Variants in LRRTM4 observed in about 807,000 individuals in gnomAD.
LRRTM4 encodes leucine-rich repeat transmembrane neuronal protein 4.
LRRTM4 carries 25 observed loss-of-function variants against 47.6 expected under a neutral mutation model. That is an observed-to-expected ratio of 0.53 (90% CI 0.38 to 0.73). The LOEUF (loss-of-function observed/expected upper bound fraction) is 0.73. Ranked by LOEUF, LRRTM4 falls within the 30% of genes least tolerant of loss-of-function variation. The probability of loss-of-function intolerance (pLI) is 0.00; values close to 1 mark genes in which losing one functional copy is unlikely to be tolerated. For missense variants in LRRTM4, 638 were observed against 713.4 expected (o/e 0.89, Z 1.20); for synonymous variants, 311 against 269.5 (o/e 1.15, Z -1.51).
intron 3 of LRRTM4, among the ~76,000 whole-genome samples, chr2:77,253,198 A>C (rs1675670227): frequency 6.6e-6 from 1 of 152,158 alleles, no homozygotes; most frequent in South Asian, 2.1e-4. Context: ...AAAAAATATA[A>C]ATAAATAAAA....
chr2:77,108,367 T>C (rs1671154159), intron 3 of LRRTM4, among the ~76,000 whole-genome samples: 1 of 151,962 alleles, frequency 6.6e-6, no homozygotes, highest in Non-Finnish European at 1.5e-5. Flanking sequence ...ATAAAGAACA[T>C]TGTATAAGAA....
intron 3 of LRRTM4, among the ~76,000 whole-genome samples, chr2:77,124,300 C>A (rs1323748808): frequency 6.6e-6 from 1 of 151,956 alleles, no homozygotes; most frequent in African/African-American, 2.4e-5. Flanking sequence ...TTATACAGAG[C>A]AACAAGAACA....
chr2:77,331,970 C>G (rs1670987016), intron 3 of LRRTM4, among the ~76,000 whole-genome samples: 1 of 151,984 alleles, frequency 6.6e-6, no homozygotes, highest in Non-Finnish European at 1.5e-5. Flanking sequence ...ACTTATAGAA[C>G]AGGAAGTATA....
At chr2:77,222,055 C>G (rs1278114592) in intron 3 of LRRTM4, among the ~76,000 whole-genome samples, 1 of 152,278 alleles carries the variant, frequency 6.6e-6, no homozygotes. Flanking sequence ...AAGAAACTCA[C>G]TCAAAACCGC....
At chr2:76,993,883 A>G (rs1164559320) in intron 3 of LRRTM4, among the ~76,000 whole-genome samples, 1 of 152,016 alleles carries the variant, frequency 6.6e-6, no homozygotes, top group Non-Finnish European at 1.5e-5. Context: ...GATTTGATAA[A>G]GAAAAATTTG....
intron 3 of LRRTM4, among the ~76,000 whole-genome samples, chr2:77,515,627 A>G (rs1679178024): frequency 6.6e-6 from 1 of 151,832 alleles, no homozygotes; most frequent in African/African-American, 2.4e-5. Context: ...CTACCTCACA[A>G]AAATGTCTTA....
intron 3 of LRRTM4, among the ~76,000 whole-genome samples, chr2:76,769,683 C>A (rs1673603060): frequency 6.6e-6 from 1 of 152,078 alleles, no homozygotes; most frequent in Admixed American, 6.5e-5. Flanking sequence ...CGCCAACATA[C>A]TGAATTCGTA....
chr2:77,366,188 A>C (rs1256475856), intron 3 of LRRTM4, among the ~76,000 whole-genome samples: 9 of 151,692 alleles, frequency 5.9e-5, no homozygotes, highest in Admixed American at 4.6e-4. Context: ...ACCCAATCCA[A>C]TCTGGCCTCT....
At chr2:77,304,419 C>T (rs1482813310) in intron 3 of LRRTM4, among the ~76,000 whole-genome samples, 1 of 151,884 alleles carries the variant, frequency 6.6e-6, no homozygotes, top group Non-Finnish European at 1.5e-5. Context: ...TTCCTGAATC[C>T]AGAAAGAAGA....
At chr2:76,880,603 T>C (rs759823054) in intron 3 of LRRTM4, among the ~76,000 whole-genome samples, 11 of 152,132 alleles carry the variant, frequency 7.2e-5, no homozygotes, top group Non-Finnish European at 1.3e-4. Context: ...CCCACAGTAC[T>C]TCAAGGTATG....
intron 3 of LRRTM4, among the ~76,000 whole-genome samples, chr2:76,787,888 T>G (rs6743728): frequency 6.6e-6 from 1 of 151,902 alleles, no homozygotes; most frequent in African/African-American, 2.4e-5. Context: ...CTGAGCCAAT[T>G]AGAATATCTG....
intron 3 of LRRTM4, among the ~76,000 whole-genome samples, chr2:76,768,151 A>T (rs1673530696): frequency 6.6e-6 from 1 of 152,200 alleles, no homozygotes; most frequent in Admixed American, 6.5e-5. Context: ...GATATAATTT[A>T]TGTAAGGCCT....
chr2:76,755,186 A>C (rs1362924227), intron 3 of LRRTM4, among the ~76,000 whole-genome samples: 3 of 152,146 alleles, frequency 2.0e-5, no homozygotes, highest in Non-Finnish European at 2.9e-5. Context: ...CCATTTTACT[A>C]TACTTACAAT....
At chr2:76,842,302 G>A (rs542885091) in intron 3 of LRRTM4, among the ~76,000 whole-genome samples, 56 of 152,184 alleles carry the variant, frequency 3.7e-4, no homozygotes, top group South Asian at 8.3e-4. Context: ...ATACTACACC[G>A]CTGGCTTTCC....
chr2:77,517,799 T>C (rs1412919798), intron 3 of LRRTM4: 1 of 985,314 alleles, frequency 1.0e-6, no homozygotes, highest in African/African-American at 1.8e-5. Context: ...GTAACATGGG[T>C]GTGAGATCCC....
At chr2:76,941,568 G>T (rs184539883) in intron 3 of LRRTM4, among the ~76,000 whole-genome samples, 1 of 148,956 alleles carries the variant, frequency 6.7e-6, no homozygotes, top group Non-Finnish European at 1.5e-5. Context: ...TGCGATTTTT[G>T]GTTTTTTGTT....
rs758905941 is a variant in LRRTM4, at chr2:77,021,610, G to T, written c.1552-272694C>A. 4.6e-5 allele frequency among the ~76,000 whole-genome samples: 7 copies of T among 152,168 alleles called. No individual in the cohort carries two copies. In the South Asian group the frequency reaches 1.4e-3, roughly 31 times the overall value. On this transcript the variant is annotated intron_variant, in intron 3 of 3. Coordinates refer to ENST00000409884, the MANE Select transcript of LRRTM4 (RefSeq NM_001134745.3). ...ATATGTGAAAGACCACATAGAGAAA[G>T]ATCTCCAGTTATCCCAACCAGGTCC...
At chr2:77,138,472 G>T (rs867894786) in intron 3 of LRRTM4, among the ~76,000 whole-genome samples, 2 of 152,260 alleles carry the variant, frequency 1.3e-5, no homozygotes, top group Middle Eastern at 6.8e-3. Flanking sequence ...CATTTAAACA[G>T]TGTGTAGAGG....
chr2:77,197,175 G>A lies in LRRTM4; in HGVS notation c.1551+321143C>T, dbSNP rs1049632516. Reference sequence around the variant, plus strand: ...CTTTCCTAATCTTAATCTTTGTACTGAGGATAGATTAAGTAATAAATCATA... The same window carrying A: ...CTTTCCTAATCTTAATCTTTGTACTAAGGATAGATTAAGTAATAAATCATA... On this transcript the variant is annotated intron_variant, in intron 3 of 3. Coordinates refer to ENST00000409884, the MANE Select transcript of LRRTM4 (RefSeq NM_001134745.3). 1.1e-4 allele frequency among the ~76,000 whole-genome samples: 16 copies of A among 152,054 alleles called. 1 individual carries two copies. Among genetic ancestry groups the A allele is most frequent in the South Asian group, 4.1e-4 (2 of 4,820 alleles).
Sources: allele counts gnomAD v4.1 joint callset (sites outside exome capture counted in the v4.1 genomes callset), GRCh38; gene constraint gnomAD v4.1.1; transcripts MANE v1.5; gene names NCBI Gene and HGNC (gene_info 2026-07-23, HGNC 2026-07-21).